DNM2: variants seen among roughly 807,000 people sequenced by gnomAD.
DNM2 encodes dynamin 2.
In DNM2, 15 loss-of-function variants were observed where a neutral mutation model predicts 99.0. That is an observed-to-expected ratio of 0.15 (90% CI 0.10 to 0.23). DNM2 has a LOEUF of 0.23. Ranked by LOEUF, DNM2 falls within the 10% of genes least tolerant of loss-of-function variation. The probability of loss-of-function intolerance (pLI) is 1.00; values close to 1 mark genes in which losing one functional copy is unlikely to be tolerated. For synonymous variants in DNM2, 525 were observed against 481.2 expected (o/e 1.09, Z -1.19); for missense variants, 742 against 1,189.4 (o/e 0.62, Z 5.53).
intron 7 of DNM2, among the ~76,000 whole-genome samples, chr19:10,792,911 A>G (rs1489326552): frequency 1.3e-5 from 2 of 151,890 alleles, no homozygotes; most frequent in Non-Finnish European, 2.9e-5. Context: ...TCCAGTATAT[A>G]TATATATTTT....
chr19:10,771,779 A>G (rs2070989312), intron 2 of DNM2, among the ~76,000 whole-genome samples: 1 of 152,142 alleles, frequency 6.6e-6, no homozygotes, highest in African/African-American at 2.4e-5. Flanking sequence ...CAACAAATAA[A>G]TGGCTGGGCG....
At chr19:10,729,724 C>G (rs927780687) in intron 1 of DNM2, among the ~76,000 whole-genome samples, 1 of 152,206 alleles carries the variant, frequency 6.6e-6, no homozygotes, top group African/African-American at 2.4e-5. Context: ...GAAGAGCACA[C>G]TGCCCAGCCC....
intron 1 of DNM2, among the ~76,000 whole-genome samples, chr19:10,722,737 T>C (rs1324081706): frequency 6.7e-6 from 1 of 148,802 alleles, no homozygotes; most frequent in East Asian, 2.0e-4. Flanking sequence ...GCGATTCTCC[T>C]ACCTCTCAGC....
chr19:10,746,150 A>G (rs576750190), intron 1 of DNM2, among the ~76,000 whole-genome samples: 2 of 152,180 alleles, frequency 1.3e-5, no homozygotes, highest in East Asian at 1.9e-4. Context: ...TAGTAGAGAC[A>G]AGGTTTCACC....
chr19:10,753,414 C>G lies in DNM2; in HGVS notation c.162-6324C>G, dbSNP rs1238255675. Among the ~76,000 whole-genome samples the G allele has an allele frequency of 3.0e-5, 4 of 135,434 alleles. No individual in the cohort carries two copies. In the East Asian group the frequency reaches 1.0e-3, roughly 34 times the overall value. The allele number at this position is 135,434 out of a possible 152,430, so 88.8% of individuals were successfully genotyped here. ...CCCCCCTCCCCCTTCCCTTCCCCCC[C>G]CCACTTCCCTTTCCCCTTCCCCCTT... On this transcript the variant is annotated intron_variant, in intron 1 of 20. Coordinates refer to ENST00000389253, the MANE Select transcript of DNM2 (RefSeq NM_001005361.3).
chr19:10,727,777 C>T (rs1263788983), intron 1 of DNM2, among the ~76,000 whole-genome samples: 3 of 152,140 alleles, frequency 2.0e-5, no homozygotes, highest in Non-Finnish European at 2.9e-5. Flanking sequence ...CTCAGAGCCA[C>T]ATCTGCCAAA....
In DNM2 at chr19:10,793,816, T is replaced by C; in HGVS notation, c.1089T>C (p.Asn363=). 6.2e-7 allele frequency: 1 copy of C among 1,614,168 alleles called. No individual in the cohort carries two copies. Among genetic ancestry groups the C allele is most frequent in the Non-Finnish European group, 8.5e-7 (1 of 1,180,026 alleles). The part of the protein sequence containing the change: ...TLELSGGARI[N]RIFHERFPFE... ...AGCTCTCCGGGGGCGCCCGAATCAA[T>C]CGCATCTTCCACGAGCGGTTCCCAT... is the stretch of plus-strand genomic sequence containing the variant. The change falls in exon 8 of 21, where the codon AAT becomes AAC. Residue 363 remains asparagine, a synonymous_variant. Coordinates refer to ENST00000389253, the MANE Select transcript of DNM2 (RefSeq NM_001005361.3).
chr19:10,718,625 C>A, intron 1 of DNM2: 3 of 572,672 alleles, frequency 5.2e-6, no homozygotes, highest in Non-Finnish European at 7.5e-6. Flanking sequence ...GTGTCACGGG[C>A]CAGGGCGCCG....
chr19:10,734,455 T>C (rs538923762), intron 1 of DNM2, among the ~76,000 whole-genome samples: 1 of 149,548 alleles, frequency 6.7e-6, no homozygotes, highest in Non-Finnish European at 1.5e-5. Context: ...GCCTGGGCAA[T>C]ATAGTGAGAC....
rs758602840 is a variant in DNM2 at position 10,818,290 on chromosome 19, CT to C, written c.1672-1688del. ...CTCCCTCCATGGCCACCGGGCCCCTCTTCCTATGCTCTGCCCTACTTCTTTG... is the reference window on the plus strand; with the variant it reads ...CTCCCTCCATGGCCACCGGGCCCCTCTCCTATGCTCTGCCCTACTTCTTTG... On this transcript the variant is annotated intron_variant, in intron 15 of 20. Coordinates refer to ENST00000389253, the MANE Select transcript of DNM2 (RefSeq NM_001005361.3). This position sits in a 1 kb window ranked among gnomAD's most constrained non-coding sequence, Gnocchi z 4.3. Among the ~76,000 whole-genome samples the C allele has an allele frequency of 1.0e-4, 15 of 149,628 alleles. No homozygotes were observed. Among genetic ancestry groups the C allele is most frequent in the East Asian group, 4.2e-4 (2 of 4,720 alleles).
chr19:10,772,428 C>T lies in DNM2; in HGVS notation c.236-51C>T. 1.2e-6 allele frequency: 2 copies of T among 1,610,082 alleles called. No homozygotes were observed. Among genetic ancestry groups the T allele is most frequent in the Non-Finnish European group, 1.7e-6 (2 of 1,178,954 alleles). On this transcript the variant is annotated intron_variant, in intron 2 of 20. Transcript: ENST00000389253. This position sits in a 1 kb window ranked among gnomAD's most constrained non-coding sequence, Gnocchi z 4.9. ...AGCATTTCTCCCCGCAGTCCATGCG[C>T]ACCCTGCCCACAGCTCTTTCTCATT...
At chr19:10,734,166 A>G (rs2069437238) in intron 1 of DNM2, among the ~76,000 whole-genome samples, 2 of 150,546 alleles carry the variant, frequency 1.3e-5, no homozygotes, top group South Asian at 2.1e-4. Context: ...ACCAGCCTAG[A>G]CAACATATCA....
chr19:10,818,456 G>A lies in DNM2; in HGVS notation c.1672-1524G>A, dbSNP rs1296256317. Reference sequence around the variant, plus strand: ...ATAGATGAGGAAACTGAGATGAAATGGGAGGTGGCGGGGAAGTGGCTTGCC... The same window carrying A: ...ATAGATGAGGAAACTGAGATGAAATAGGAGGTGGCGGGGAAGTGGCTTGCC... On this transcript the variant is annotated intron_variant, in intron 15 of 20. Coordinates refer to ENST00000389253, the MANE Select transcript of DNM2 (RefSeq NM_001005361.3). The surrounding 1 kb of genome is among the most constrained non-coding windows in gnomAD (Gnocchi z 4.3). 1.3e-5 allele frequency among the ~76,000 whole-genome samples: 2 copies of A among 152,248 alleles called. No individual in the cohort carries two copies. The highest frequency in any genetic ancestry group is 2.9e-5 in the Non-Finnish European group (2 of 68,050).
At chr19:10,788,943 G>A (rs2071656941) in intron 7 of DNM2, among the ~76,000 whole-genome samples, 1 of 152,216 alleles carries the variant, frequency 6.6e-6, no homozygotes, top group Non-Finnish European at 1.5e-5. Context: ...GCATGGTCGT[G>A]GGCTAAGGGG....
intron 7 of DNM2, among the ~76,000 whole-genome samples, chr19:10,787,084 A>G (rs574343491): frequency 2.7e-3 from 404 of 152,184 alleles, no homozygotes; most frequent in Middle Eastern, 0.01. Flanking sequence ...CTGTAATCCC[A>G]GCACTTTGGG....
At chr19:10,828,998 G>A (rs771746281) in intron 18 of DNM2, 38 bp from the exon 19 acceptor site, 26 of 1,593,768 alleles carry the variant, frequency 1.6e-5, no homozygotes, top group Non-Finnish European at 2.1e-5. Flanking sequence ...GGGTTGGGGT[G>A]ATACACAAGC....
At position 10,818,347 on chromosome 19, in the gene DNM2, G is replaced by T. The variant is rs896406614; in HGVS notation, c.1672-1633G>T. ...AGCCTGGCAGGCTAATCCTGGAGCC[G>T]CTCACAAGAGCAACCAAAGAAAATC... On this transcript the variant is annotated intron_variant, in intron 15 of 20. Coordinates refer to ENST00000389253, the MANE Select transcript of DNM2 (RefSeq NM_001005361.3). This position sits in a 1 kb window ranked among gnomAD's most constrained non-coding sequence, Gnocchi z 4.3. 1.3e-5 allele frequency among the ~76,000 whole-genome samples: 2 copies of T among 152,238 alleles called. No homozygotes were observed. Among genetic ancestry groups the T allele is most frequent in the African/African-American group, 4.8e-5 (2 of 41,454 alleles).
chr19:10,725,765 G>A (rs2069094019), intron 1 of DNM2, among the ~76,000 whole-genome samples: 1 of 152,104 alleles, frequency 6.6e-6, no homozygotes, highest in African/African-American at 2.4e-5. Context: ...CTGATGACAG[G>A]TGTACGTTTC....
At chr19:10,782,879 T>C in intron 5 of DNM2, 81 bp from the exon 6 acceptor site, 1 of 1,591,598 alleles carries the variant, frequency 6.3e-7, no homozygotes, top group Non-Finnish European at 8.6e-7. Flanking sequence ...TCCATCTCTA[T>C]ACTTGAATCT....
Sources: allele counts gnomAD v4.1 joint callset (sites outside exome capture counted in the v4.1 genomes callset), GRCh38; gene constraint gnomAD v4.1.1; non-coding constraint Gnocchi (gnomAD v3.1); transcripts MANE v1.5; gene names NCBI Gene and HGNC (gene_info 2026-07-23, HGNC 2026-07-21).